Variants in CFHR2 observed in about 807,000 individuals in gnomAD.
CFHR2 encodes the protein complement factor H related 2, also known as complement factor H-related protein 2.
Under a neutral mutation model 21.7 loss-of-function variants are expected in CFHR2, and 22 were observed. The ratio of observed to expected loss-of-function variants is 1.01; its 90% CI spans 0.72 to 1.45. CFHR2 has a LOEUF of 1.45. Among genes scored for constraint, CFHR2 ranks in the 40% most tolerant of loss-of-function variants. The pLI is 0.00. For synonymous variants in CFHR2, 98 were observed against 97.4 expected, an observed-to-expected ratio of 1.01 and a Z score of -0.04; for missense variants, 294 against 293.3, an observed-to-expected ratio of 1.00 and a Z score of -0.02.
rs1362857617 is a variant in CFHR2 at position 196,959,397 on chromosome 1, A to G, written c.*317A>G. Among the ~76,000 whole-genome samples the G allele has an allele frequency of 6.6e-6, 1 of 152,012 alleles. No homozygotes were observed. The highest frequency in any genetic ancestry group is 1.5e-5 in the Non-Finnish European group (1 of 67,930). On this transcript the variant is annotated 3_prime_UTR_variant, in exon 5 of 5. Transcript: ENST00000367415. ...ATAATGGTCAGTTAGGGTAATTAGT[A>G]TATCCATTATCTCAAACATTTTTCA...
chr1:196,947,971 A>C (rs1308694172), intron 1 of CFHR2, among the ~76,000 whole-genome samples: 1 of 152,192 alleles, frequency 6.6e-6, no homozygotes, highest in Non-Finnish European at 1.5e-5. Context: ...AAAACTTGTT[A>C]ATAAAATATA....
In CFHR2 at chr1:196,958,925, A is replaced by C; in HGVS notation, c.658A>C (p.Lys220Gln). The change falls in exon 5 of 5, where the codon AAA becomes CAA. Residue 220 changes from lysine (K) to glutamine (Q), a missense_variant. Transcript: ENST00000367415. ...AGAAATTATGGAAAAATATAACATA[A>C]AATTAAAGTGGACAAACCAACAAAA... Reference protein sequence around the residue: ...SQEIMEKYNIKLKWTNQQKLY... With the variant: ...SQEIMEKYNIQLKWTNQQKLY... 2.5e-6 allele frequency: 4 copies of C among 1,601,038 alleles called. No individual in the cohort carries two copies. The highest frequency in any genetic ancestry group is 3.4e-6 in the Non-Finnish European group (4 of 1,169,262).
At chr1:196,952,555 T>C (rs1652653691) in intron 3 of CFHR2, among the ~76,000 whole-genome samples, 1 of 152,226 alleles carries the variant, frequency 6.6e-6, no homozygotes, top group Non-Finnish European at 1.5e-5. Flanking sequence ...ATGGCTATTG[T>C]CAGCCCAACA....
chr1:196,955,241 G>A (rs1652820598), intron 3 of CFHR2, among the ~76,000 whole-genome samples: 1 of 152,158 alleles, frequency 6.6e-6, no homozygotes, highest in Non-Finnish European at 1.5e-5. Flanking sequence ...TAGCAAGAGT[G>A]ACCTTTGCTC....
At chr1:196,947,552 A>G (rs1218671182) in intron 1 of CFHR2, among the ~76,000 whole-genome samples, 1 of 152,224 alleles carries the variant, frequency 6.6e-6, no homozygotes, top group Non-Finnish European at 1.5e-5. Flanking sequence ...TTAGATAATC[A>G]GTTTCACGTT....
chr1:196,957,938 A>G lies in CFHR2; in HGVS notation c.478A>G (p.Ile160Val), dbSNP rs1369041490. 1.2e-6 allele frequency: 2 copies of G among 1,613,642 alleles called. No homozygotes were observed. Among genetic ancestry groups the G allele is most frequent in the African/African-American group, 1.3e-5 (1 of 75,018 alleles). Residue 160 changes from isoleucine to valine, a missense_variant, in exon 4 of 5, where the codon ATT becomes GTT. By Grantham distance (29) the Ile-to-Val change is conservative (BLOSUM62 3). Transcript: ENST00000367415. Reference protein sequence around the residue: ...GPPPPIDNGDITSFLLSVYAP... With the variant: ...GPPPPIDNGDVTSFLLSVYAP... ...CCCTCCACCTATTGACAATGGAGAC[A>G]TTACTTCATTCCTGTTGTCAGTATA...
At position 196,949,485 on chromosome 1, in the gene CFHR2, A is replaced by G. The variant is rs146862913; in HGVS notation, c.89A>G (p.His30Arg). Reference protein sequence around the residue: ...AMFCDFPKINHGILYDEEKYK... With the variant: ...AMFCDFPKINRGILYDEEKYK... ...TTCTGTGATTTTCCAAAAATAAACC[A>G]TGGAATTCTATATGATGAAGAAAAA... is the stretch of plus-strand genomic sequence containing the variant. The change falls in exon 2 of 5, where the codon CAT becomes CGT. Residue 30 changes from histidine (H) to arginine (R), a missense_variant. Transcript: ENST00000367415. The G allele has an allele frequency of 2.4e-4, 395 of 1,613,716 alleles. No homozygotes were observed. The highest frequency in any genetic ancestry group is 3.1e-4 in the Non-Finnish European group (361 of 1,179,842).
Position 196,944,961 on chromosome 1 carries a change from C to G in CFHR2, c.58+1023C>G, listed in dbSNP as rs557884405. Among the ~76,000 whole-genome samples the G allele has an allele frequency of 5.5e-3, 825 of 149,884 alleles. 9 individuals carry two copies. Among genetic ancestry groups the G allele is most frequent in the Non-Finnish European group, 8.2e-3 (550 of 67,422 alleles). On this transcript the variant is annotated intron_variant, in intron 1 of 4. Coordinates refer to ENST00000367415, the MANE Select transcript of CFHR2 (RefSeq NM_005666.4). ...GTGTGATTTCGGCTCACCACAACTT[C>G]CATCTCCTGGGTTCAAGCAATTCTC...
chr1:196,958,068 G>T lies in CFHR2; in HGVS notation c.608G>T (p.Cys203Phe). 2 of 1,612,820 alleles carry T rather than the reference G, an allele frequency of 1.2e-6. No individual in the cohort carries two copies. The highest frequency in any genetic ancestry group is 1.7e-6 in the Non-Finnish European group (2 of 1,179,002). The part of the protein sequence containing the change: ...RNGQWSEPPK[C>F]LDPCVISQEI... ...GGACAATGGTCAGAACCACCAAAAT[G>T]CTTAGGTAAGTACTTTAATATTCTC... Residue 203 changes from cysteine to phenylalanine, a missense_variant, in exon 4 of 5, where the codon TGC (cysteine) becomes TTC (phenylalanine). Cys to Phe is a radical substitution (Grantham distance 205). Coordinates refer to ENST00000367415, the MANE Select transcript of CFHR2 (RefSeq NM_005666.4).
At chr1:196,951,657 G>T (rs1014931570) in intron 3 of CFHR2, among the ~76,000 whole-genome samples, 1 of 151,936 alleles carries the variant, frequency 6.6e-6, no homozygotes, top group Non-Finnish European at 1.5e-5. Context: ...TCCTATGCTT[G>T]CACAGCTCTG....
In CFHR2 at chr1:196,950,852, G is replaced by T. The variant is rs199608225; in HGVS notation, c.254G>T (p.Arg85Ile). 7 of 1,612,800 alleles carry T rather than the reference G, an allele frequency of 4.3e-6. No homozygotes were observed. Among genetic ancestry groups the T allele is most frequent in the African/African-American group, 1.3e-5 (1 of 74,824 alleles). ...CTATTAATCTGTTTTTGGTCTTTAG[G>T]ACTGTGTTTCTTTCCTTTTGTGGAA... ...EGWSPTPKCL[R>I]LCFFPFVENG... The change falls in exon 3 of 5, where the codon AGA becomes ATA. Residue 85 changes from arginine to isoleucine, a missense_variant and splice_region_variant. Transcript: ENST00000367415.
At chr1:196,950,662 A>C (rs1387387370) in intron 2 of CFHR2, among the ~76,000 whole-genome samples, 190 bp from the exon 3 acceptor site, 1 of 152,082 alleles carries the variant, frequency 6.6e-6, no homozygotes, top group Non-Finnish European at 1.5e-5. Flanking sequence ...TAGTAGAAAC[A>C]GGGTTTCACC....
intron 3 of CFHR2, among the ~76,000 whole-genome samples, chr1:196,957,397 G>C (rs66511405): frequency 0.34 from 50,830 of 149,248 alleles, 9,452 homozygotes; most frequent in African/African-American, 0.49. Flanking sequence ...CTTAGCATAA[G>C]GAAAAGGTAG....
chr1:196,947,051 G>T (rs371616182), intron 1 of CFHR2, among the ~76,000 whole-genome samples: 5 of 151,998 alleles, frequency 3.3e-5, no homozygotes, highest in African/African-American at 1.2e-4. Context: ...TAATCTTATG[G>T]GTCCACTGTC....
In CFHR2 at chr1:196,954,192, G is replaced by A. The variant is rs557984584; in HGVS notation, c.430+3164G>A. 2.6e-5 allele frequency among the ~76,000 whole-genome samples: 4 copies of A among 152,300 alleles called. No homozygotes were observed. In the East Asian group the frequency reaches 7.7e-4, roughly 29 times the overall value. ...ACTTTCTGCCCATATGGGCGAAATTGGCCAAAAGAAAGGGGCTACAGTCCC... is the reference window on the plus strand; with the variant it reads ...ACTTTCTGCCCATATGGGCGAAATTAGCCAAAAGAAAGGGGCTACAGTCCC... On this transcript the variant is annotated intron_variant, in intron 3 of 4. Transcript: ENST00000367415.
rs1028443065 is a variant in CFHR2, at chr1:196,958,785, T to C, written c.614-96T>C. 9 of 737,176 alleles carry C rather than the reference T, an allele frequency of 1.2e-5. No individual in the cohort carries two copies. In the African/African-American group the frequency reaches 1.6e-4, roughly 13 times the overall value. 45.7% of individuals were successfully genotyped at this position (737,176 alleles called of 1,614,324 possible). A position where few individuals can be genotyped will look rare whatever the true frequency, so the allele number is the denominator to read the frequency against. On this transcript the variant is annotated intron_variant, in intron 4 of 4. Coordinates refer to ENST00000367415, the MANE Select transcript of CFHR2 (RefSeq NM_005666.4). Reference sequence around the variant, plus strand: ...GTTTGGAAAGGATTTTGAGAAGTAATTCCTCAACCATCATATAACATTCTA... The same window carrying C: ...GTTTGGAAAGGATTTTGAGAAGTAACTCCTCAACCATCATATAACATTCTA...
At chr1:196,951,086 A>G in intron 3 of CFHR2, 58 bp downstream of exon 3, 1 of 1,576,400 alleles carries the variant, frequency 6.3e-7, no homozygotes. Context: ...AAAGAAATAA[A>G]TCTTTTTTTA....
chr1:196,957,344 C>CT (rs1312937876), intron 3 of CFHR2, among the ~76,000 whole-genome samples: 12 of 94,950 alleles, frequency 1.3e-4, no homozygotes, highest in African/African-American at 5.1e-4. Context: ...ATGTTCTTTT[C>CT]CTTTTTTTTT....
intron 1 of CFHR2, among the ~76,000 whole-genome samples, chr1:196,948,201 G>A (rs1659587861): frequency 6.6e-6 from 1 of 152,080 alleles, no homozygotes; most frequent in Non-Finnish European, 1.5e-5. Flanking sequence ...CCAAGGATAT[G>A]CAAGTCTCTA....
Sources: gnomAD v4.1 joint callset for allele counts (sites outside exome capture counted in the v4.1 genomes callset) on GRCh38, gnomAD v4.1.1 for gene constraint, MANE v1.5 for transcripts, NCBI Gene and HGNC (gene_info 2026-07-23, HGNC 2026-07-21) for gene names.